The following SLC14A2 variants were observed in gnomAD, a reference collection of about 807,000 sequenced individuals.
The protein encoded by SLC14A2 is urea transporter 2.
A neutral mutation model predicts 104.6 loss-of-function variants in SLC14A2; 91 were observed. The ratio of observed to expected loss-of-function variants is 0.87; its 90% confidence interval spans 0.73 to 1.04. SLC14A2 has a LOEUF of 1.04. Ranked by LOEUF, SLC14A2 falls within the 50% of genes least tolerant of loss-of-function variation. SLC14A2 has a pLI of 0.00. For missense variants in SLC14A2, 1,189 were observed against 1,156.0 expected (o/e 1.03, Z -0.41); for synonymous variants, 476 against 466.4 (o/e 1.02, Z -0.27).
Position 45,667,080 on chromosome 18 carries a change from G to C in SLC14A2, c.1703G>C (p.Gly568Ala). ...SYITGEMKEC[G>A]EGLKDKSPVF... ...ATCACAGGAGAGATGAAGGAGTGTG[G>C]AGAGGGACTTAAAGGTAAAATTCTA... is the stretch of plus-strand genomic sequence containing the variant. The change falls in exon 13 of 20, where the codon GGA (glycine) becomes GCA (alanine). Residue 568 changes from glycine to alanine, a missense_variant. Coordinates refer to ENST00000255226, the MANE Select transcript of SLC14A2 (RefSeq NM_007163.4). 6.2e-7 allele frequency: 1 copy of C among 1,613,684 alleles called. No homozygotes were observed. The highest frequency in any genetic ancestry group is 1.1e-5 in the South Asian group (1 of 91,026).
chr18:45,260,884 G>T (rs997202527), intron 1 of SLC14A2, among the ~76,000 whole-genome samples: 4 of 151,924 alleles, frequency 2.6e-5, no homozygotes, highest in African/African-American at 9.7e-5. Flanking sequence ...CTATGCATTG[G>T]GTATGATGAT....
chr18:45,544,644 G>T (rs1233768399), intron 2 of SLC14A2, among the ~76,000 whole-genome samples: 2 of 151,516 alleles, frequency 1.3e-5, no homozygotes, highest in Non-Finnish European at 2.9e-5. Context: ...CACTACCCTT[G>T]GTTGTATATC....
chr18:45,477,390 C>T (rs879358332), intron 1 of SLC14A2, among the ~76,000 whole-genome samples: 13 of 152,098 alleles, frequency 8.5e-5, no homozygotes, highest in South Asian at 4.1e-4. Flanking sequence ...AGATGCCAGC[C>T]GGAGCTCTCC....
At chr18:45,262,117 G>C (rs796782844) in intron 1 of SLC14A2, among the ~76,000 whole-genome samples, 71 of 152,234 alleles carry the variant, frequency 4.7e-4, no homozygotes, top group African/African-American at 1.6e-3. Flanking sequence ...ATGTGAGATG[G>C]TATCTCATTG....
intron 2 of SLC14A2, among the ~76,000 whole-genome samples, chr18:45,509,294 A>G (rs1247277921): frequency 2.0e-5 from 3 of 151,798 alleles, no homozygotes; most frequent in Non-Finnish European, 4.4e-5. Flanking sequence ...CCCTATATAT[A>G]TATATCTCTC....
At chr18:45,218,174 C>T (rs940133863) in intron 1 of SLC14A2, among the ~76,000 whole-genome samples, 1 of 152,150 alleles carries the variant, frequency 6.6e-6, no homozygotes, top group Admixed American at 6.5e-5. Context: ...ATAATAACTC[C>T]TCACCCCTTC....
intron 2 of SLC14A2, among the ~76,000 whole-genome samples, chr18:45,571,094 C>A (rs1453089232): frequency 2.0e-5 from 3 of 152,204 alleles, no homozygotes; most frequent in Non-Finnish European, 4.4e-5. Flanking sequence ...TTGGTTGATT[C>A]TCCTGTGCCT....
Position 45,632,624 on chromosome 18 carries a change from A to G in SLC14A2, c.650+146A>G. ...TTGTCTGACACCATGAAAGCCCATG[A>G]GTTCTCTTGTAACACAAGGGGGTCA... On this transcript the variant is annotated intron_variant, in intron 5 of 19. Coordinates refer to ENST00000255226, the MANE Select transcript of SLC14A2 (RefSeq NM_007163.4). 2.1e-5 allele frequency: 17 copies of G among 812,524 alleles called. No individual in the cohort carries two copies. In the South Asian group the frequency reaches 2.9e-4, roughly 14 times the overall value. 50.3% of individuals were successfully genotyped at this position (812,524 alleles called of 1,614,324 possible).
At chr18:45,207,201 C>T in the SLC14A2 span, among the ~76,000 whole-genome samples, 1 of 151,500 alleles carries the variant, frequency 6.6e-6, no homozygotes, top group African/African-American at 2.4e-5. Flanking sequence ...ACACTTTAGT[C>T]AAAAATTCAT....
chr18:45,522,119 G>A (rs528712747), intron 2 of SLC14A2, among the ~76,000 whole-genome samples: 1 of 152,290 alleles, frequency 6.6e-6, no homozygotes. Context: ...CATCATATCA[G>A]TGGAGATCAC....
At chr18:45,344,708 A>C (rs1315843510) in intron 1 of SLC14A2, among the ~76,000 whole-genome samples, 1 of 152,204 alleles carries the variant, frequency 6.6e-6, no homozygotes, top group Non-Finnish European at 1.5e-5. Flanking sequence ...GGAGTGAGGC[A>C]GAAATCAAAA....
chr18:45,259,783 C>T (rs953361767), intron 1 of SLC14A2, among the ~76,000 whole-genome samples: 6 of 151,968 alleles, frequency 3.9e-5, no homozygotes, highest in Admixed American at 1.3e-4. Flanking sequence ...GCACTGAAGC[C>T]CAAGTTTACT....
intron 2 of SLC14A2, among the ~76,000 whole-genome samples, chr18:45,593,888 A>G: frequency 6.6e-6 from 1 of 152,312 alleles, no homozygotes; most frequent in Admixed American, 6.5e-5. Flanking sequence ...AAAAATATAC[A>G]ATACAACTCT....
chr18:45,632,705 T>G (rs1485600669), intron 5 of SLC14A2, among the ~76,000 whole-genome samples: 1 of 152,118 alleles, frequency 6.6e-6, no homozygotes, highest in East Asian at 1.9e-4. Flanking sequence ...TGACACAGAG[T>G]CTTGCTCTGT....
chr18:45,517,202 T>C (rs1471194375), intron 2 of SLC14A2, among the ~76,000 whole-genome samples: 2 of 152,238 alleles, frequency 1.3e-5, no homozygotes, highest in African/African-American at 4.8e-5. Context: ...CAGATTCATC[T>C]GCCTCTGGTT....
intron 1 of SLC14A2, among the ~76,000 whole-genome samples, chr18:45,312,748 G>A (rs578000904): frequency 1.5e-3 from 223 of 152,308 alleles, no homozygotes; most frequent in Non-Finnish European, 2.8e-3. Context: ...GGCTGAGAGC[G>A]TGAAATAAAC....
At chr18:45,268,405 C>CA (rs1048985647) in intron 1 of SLC14A2, among the ~76,000 whole-genome samples, 2 of 152,206 alleles carry the variant, frequency 1.3e-5, no homozygotes, top group African/African-American at 4.8e-5. Context: ...AAAAAGAGAT[C>CA]AAAAACAGTC....
intron 1 of SLC14A2, among the ~76,000 whole-genome samples, chr18:45,280,325 A>G (rs917778737): frequency 1.3e-5 from 2 of 152,188 alleles, no homozygotes; most frequent in South Asian, 4.2e-4. Flanking sequence ...AAGGGGCCTC[A>G]GTTCAGACAG....
chr18:45,226,397 T>C (rs1488383921), intron 1 of SLC14A2, among the ~76,000 whole-genome samples: 1 of 152,088 alleles, frequency 6.6e-6, no homozygotes, highest in Non-Finnish European at 1.5e-5. Context: ...CTATTCACAA[T>C]AGCAAAGACT....
Sources: gnomAD v4.1 joint callset for allele counts (sites outside exome capture counted in the v4.1 genomes callset) on GRCh38, gnomAD v4.1.1 for gene constraint, MANE v1.5 for transcripts, NCBI Gene and HGNC (gene_info 2026-07-23, HGNC 2026-07-21) for gene names.